Variants in RGS12 observed in about 807,000 individuals in gnomAD.
RGS12 encodes regulator of G protein signaling 12.
A neutral mutation model predicts 120.1 loss-of-function variants in RGS12; 66 were observed. The observed-to-expected ratio is 0.55, with a 90% CI of 0.45 to 0.67. The LOEUF (loss-of-function observed/expected upper bound fraction) is 0.67, where lower values mean the gene tolerates loss of function less well. RGS12 is among the 30% of genes least tolerant of loss of function. The pLI is 0.00. For missense variants in RGS12, 1,859 were observed against 1,957.7 expected, an observed-to-expected ratio of 0.95 and a Z score of 0.95; for synonymous variants, 827 against 804.7, an observed-to-expected ratio of 1.03 and a Z score of -0.47.
upstream of RGS12, among the ~76,000 whole-genome samples, chr4:3,291,595 C>T (rs951648947): frequency 1.3e-5 from 2 of 152,238 alleles, no homozygotes; most frequent in East Asian, 3.8e-4. Flanking sequence ...GATCTGTCCG[C>T]CTCAGCCTCT....
chr4:3,384,350 C>T (rs956092663), intron 3 of RGS12, among the ~76,000 whole-genome samples: 1 of 152,180 alleles, frequency 6.6e-6, no homozygotes, highest in African/African-American at 2.4e-5. Context: ...GACGAGGTCT[C>T]TTCATGTTGA....
chr4:3,432,231 A>ACTTTT, intron 17 of RGS12: 1 of 917,440 alleles, frequency 1.1e-6, no homozygotes, highest in Non-Finnish European at 1.3e-6. Flanking sequence ...TTTAGAAAAT[A>ACTTTT]ATAAAAGTAT....
intron 4 of RGS12, among the ~76,000 whole-genome samples, chr4:3,396,871 T>G (rs1720093316): frequency 6.6e-6 from 1 of 152,144 alleles, no homozygotes; most frequent in Non-Finnish European, 1.5e-5. Flanking sequence ...CCTGGAAATG[T>G]TATCACAAGC....
intron 4 of RGS12, among the ~76,000 whole-genome samples, chr4:3,403,938 A>AGTAT (rs1720854444): frequency 6.6e-6 from 1 of 152,246 alleles, no homozygotes; most frequent in African/African-American, 2.4e-5. Context: ...TTCACACCCC[A>AGTAT]GTATGAGGCT....
chr4:3,331,794 C>T (rs763275527), intron 2 of RGS12, among the ~76,000 whole-genome samples: 7 of 152,188 alleles, frequency 4.6e-5, no homozygotes, highest in African/African-American at 9.7e-5. Context: ...CAGCGGCACT[C>T]GGAGTCCACC....
intron 13 of RGS12, 145 bp downstream of exon 13, chr4:3,423,786 G>A (rs1260530995): frequency 3.1e-6 from 3 of 981,650 alleles, no homozygotes; most frequent in Non-Finnish European, 4.4e-6. Flanking sequence ...AGAGGAGACA[G>A]CCTCTGCCAT....
intron 3 of RGS12, among the ~76,000 whole-genome samples, chr4:3,344,620 A>G (rs1426929731): frequency 3.9e-5 from 6 of 152,096 alleles, no homozygotes; most frequent in East Asian, 1.9e-4. Context: ...GTAAACTTCT[A>G]TCTCATGGTG....
intron 4 of RGS12, among the ~76,000 whole-genome samples, chr4:3,411,962 C>T (rs1047807926): frequency 3.3e-5 from 5 of 152,266 alleles, no homozygotes; most frequent in Admixed American, 6.5e-5. Flanking sequence ...CAGCCGCAGG[C>T]CTCTGAAACT....
chr4:3,288,060 G>T (rs536967954), upstream of RGS12, among the ~76,000 whole-genome samples: 2 of 152,372 alleles, frequency 1.3e-5, no homozygotes, highest in South Asian at 4.1e-4. This position sits in a 1 kb window ranked among gnomAD's most constrained non-coding sequence, Gnocchi z 5.2. Context: ...GAGAGACACC[G>T]TGGGCCCGTA....
chr4:3,358,346 C>G lies in RGS12; in HGVS notation c.1998+15293C>G, dbSNP rs185848584. ...TCATTTCTTTTTTTGCCTAATTGCT[C>G]TGGCTAGAACTTACAGTACTGTGTT... On this transcript the variant is annotated intron_variant, in intron 3 of 17. Transcript: ENST00000336727. 3.4e-4 allele frequency among the ~76,000 whole-genome samples: 52 copies of G among 152,202 alleles called. 2 individuals carry two copies. The highest frequency in any genetic ancestry group is 3.4e-3 in the Admixed American group (52 of 15,282).
At chr4:3,375,835 A>C (rs553016712) in intron 3 of RGS12, among the ~76,000 whole-genome samples, 7 of 152,226 alleles carry the variant, frequency 4.6e-5, no homozygotes, top group Non-Finnish European at 8.8e-5. Context: ...AGAACCTCTC[A>C]GCACAGCTGA....
intron 2 of RGS12, among the ~76,000 whole-genome samples, chr4:3,339,083 A>G (rs1218629280): frequency 6.6e-6 from 1 of 152,044 alleles, no homozygotes; most frequent in Non-Finnish European, 1.5e-5. Context: ...TTACATCTCC[A>G]AAGTGCACAG....
chr4:3,316,625 A>G lies in RGS12; in HGVS notation c.455A>G (p.Glu152Gly). The stretch of plus-strand genomic sequence containing the variant: ...GGTGGAATTTTCAATATGATTTTTG[A>G]AAACCCGAGCCTTTGTGCGAGCAAT... ...QSGGIFNMIF[E>G]NPSLCASNSE... Residue 152 changes from glutamate to glycine, a missense_variant, in exon 2 of 18, where the codon GAA becomes GGA. Around this residue, in one of 3 missense-constraint regions of RGS12, gnomAD observed 967 missense variants for 994.2 expected, o/e 0.97. Coordinates refer to ENST00000336727, the MANE Select transcript of RGS12 (RefSeq NM_001394154.1). The G allele has an allele frequency of 1.2e-6, 2 of 1,614,136 alleles. No homozygotes were observed. The highest frequency in any genetic ancestry group is 1.7e-6 in the Non-Finnish European group (2 of 1,180,028).
intron 2 of RGS12, among the ~76,000 whole-genome samples, chr4:3,332,866 C>G (rs900919635): frequency 1.3e-5 from 2 of 152,116 alleles, no homozygotes; most frequent in Non-Finnish European, 2.9e-5. Context: ...ACTTTGTCAC[C>G]CAGGCTGGAG....
intron 4 of RGS12, among the ~76,000 whole-genome samples, chr4:3,407,005 T>C (rs968103166): frequency 4.6e-5 from 7 of 152,254 alleles, no homozygotes; most frequent in Admixed American, 4.6e-4. Flanking sequence ...ATAGGTTTTA[T>C]ATTTATGGGA....
At chr4:3,335,002 T>G (rs1712286384) in intron 2 of RGS12, among the ~76,000 whole-genome samples, 1 of 152,236 alleles carries the variant, frequency 6.6e-6, no homozygotes, top group African/African-American at 2.4e-5. Flanking sequence ...TTTATTTCCT[T>G]AGTCCACACC....
chr4:3,338,766 C>T (rs1372886775), intron 2 of RGS12, among the ~76,000 whole-genome samples: 1 of 152,198 alleles, frequency 6.6e-6, no homozygotes, highest in Non-Finnish European at 1.5e-5. Flanking sequence ...CGTGAGGAGT[C>T]TTCTCAACTT....
upstream of RGS12, among the ~76,000 whole-genome samples, chr4:3,290,568 C>T (rs973853666): frequency 3.9e-5 from 6 of 152,260 alleles, no homozygotes; most frequent in African/African-American, 1.4e-4. Context: ...CCCCACACCC[C>T]GAGTCCCGTG....
At chr4:3,333,697 T>A (rs1712126747) in intron 2 of RGS12, among the ~76,000 whole-genome samples, 1 of 152,222 alleles carries the variant, frequency 6.6e-6, no homozygotes, top group Non-Finnish European at 1.5e-5. Flanking sequence ...CTAGTCAGTA[T>A]CCCCACCTAT....
Sources: allele counts gnomAD v4.1 joint callset (sites outside exome capture counted in the v4.1 genomes callset), GRCh38; gene constraint gnomAD v4.1.1; regional missense constraint gnomAD v4.1.1; non-coding constraint Gnocchi (gnomAD v3.1); transcripts MANE v1.5; gene names NCBI Gene and HGNC (gene_info 2026-07-23, HGNC 2026-07-21).